The following ZNF292 variants were observed in gnomAD, a reference collection of about 807,000 sequenced individuals.
The protein encoded by ZNF292 is 16 zinc-finger domain protein.
Under a neutral mutation model 217.9 loss-of-function variants are expected in ZNF292, and 26 were observed. The observed-to-expected ratio is 0.12, with a 90% CI of 0.09 to 0.17. The LOEUF (loss-of-function observed/expected upper bound fraction) is 0.17, where lower values mean the gene tolerates loss of function less well. ZNF292 is among the 10% of genes least tolerant of loss of function. The pLI, the probability that ZNF292 is intolerant of heterozygous loss-of-function variation, is 1.00. For missense variants in ZNF292, 2,904 were observed against 3,175.2 expected, an observed-to-expected ratio of 0.91 and a Z score of 2.05; for synonymous variants, 1,257 against 1,124.1, an observed-to-expected ratio of 1.12 and a Z score of -2.37.
At chr6:87,205,261 A>T (rs1772212673) in intron 1 of ZNF292, among the ~76,000 whole-genome samples, 1 of 151,982 alleles carries the variant, frequency 6.6e-6, no homozygotes, top group Non-Finnish European at 1.5e-5. Context: ...ATTGGTAGAG[A>T]TGAGGTCTTG....
intron 1 of ZNF292, among the ~76,000 whole-genome samples, chr6:87,196,041 CAAAA>C (rs1771946308): frequency 2.7e-5 from 4 of 146,312 alleles, no homozygotes; most frequent in African/African-American, 5.1e-5. Context: ...AAAAAAAAAA[CAAAA>C]AGAAAAAAAA....
intron 1 of ZNF292, among the ~76,000 whole-genome samples, chr6:87,189,238 A>C (rs1771754189): frequency 6.6e-6 from 1 of 152,044 alleles, no homozygotes; most frequent in Non-Finnish European, 1.5e-5. Flanking sequence ...TAAATAAAAT[A>C]AAAAATGTCT....
At position 87,257,796 on chromosome 6, in the gene ZNF292, A is replaced by C. The variant is rs774228179; in HGVS notation, c.4167A>C (p.Ser1389=). The change falls in exon 8 of 8, where the codon TCA becomes TCC. Residue 1389 remains serine (S), a synonymous_variant. Transcript: ENST00000369577. ...ACAGGGCTTTTACTAATCCCAGATC[A>C]CTGGGTGGGCACTTATCCAAGCGAT... The part of the protein sequence containing the change: ...RCYRAFTNPR[S]LGGHLSKRSY... 1.9e-6 allele frequency: 3 copies of C among 1,613,846 alleles called. No homozygotes were observed. Among genetic ancestry groups the C allele is most frequent in the Non-Finnish European group, 2.5e-6 (3 of 1,179,798 alleles).
chr6:87,260,875 T>C lies in ZNF292; in HGVS notation c.7246T>C (p.Phe2416Leu). The C allele has an allele frequency of 1.9e-6, 3 of 1,610,678 alleles. No individual in the cohort carries two copies. Among genetic ancestry groups the C allele is most frequent in the Non-Finnish European group, 2.5e-6 (3 of 1,178,254 alleles). The part of the protein sequence containing the change: ...HYKCHKLSKA[F>L]TSQHRNLLIV... ...TAAGTGCCATAAATTATCTAAGGCA[T>C]TTACATCACAACACCGAAATCTTCT... is the stretch of plus-strand genomic sequence containing the variant. Residue 2416 changes from phenylalanine (F) to leucine (L), a missense_variant, in exon 8 of 8, where the codon TTT becomes CTT. Physicochemically the swap from Phe to Leu is conservative, Grantham distance 22. Transcript: ENST00000369577.
rs1009574493 is a variant in ZNF292, at chr6:87,264,716, C to T, written c.*2915C>T. Among the ~76,000 whole-genome samples, 1 of 152,108 alleles carries T rather than the reference C, an allele frequency of 6.6e-6. No individual in the cohort carries two copies. Among genetic ancestry groups the T allele is most frequent in the Non-Finnish European group, 1.5e-5 (1 of 68,026 alleles). ...GTTGAAGAAGGTGAAGCTGAAGAAG[C>T]AGATGGGTGGTGGGATCAGGAGTGT... On this transcript the variant is annotated 3_prime_UTR_variant, in exon 8 of 8. Coordinates refer to ENST00000369577, the MANE Select transcript of ZNF292 (RefSeq NM_015021.3).
intron 1 of ZNF292, among the ~76,000 whole-genome samples, chr6:87,186,809 AG>A (rs1030894055): frequency 2.0e-5 from 3 of 152,242 alleles, no homozygotes; most frequent in Non-Finnish European, 2.9e-5. Flanking sequence ...GGATCTCCAA[AG>A]AGGCAAGCCT....
At chr6:87,216,557 A>G (rs1025452818) in intron 3 of ZNF292, among the ~76,000 whole-genome samples, 180 bp downstream of exon 3, 7 of 151,976 alleles carry the variant, frequency 4.6e-5, no homozygotes, top group African/African-American at 1.4e-4. Flanking sequence ...CTAAATGTAT[A>G]TATACATTTA....
intron 6 of ZNF292, 99 bp downstream of exon 6, chr6:87,243,710 T>G (rs1432907572): frequency 2.2e-5 from 26 of 1,160,364 alleles, no homozygotes; most frequent in Non-Finnish European, 2.9e-5. Flanking sequence ...TTTAAAATCT[T>G]TTTAAGACAA....
At chr6:87,185,874 G>A (rs1044565445) in intron 1 of ZNF292, among the ~76,000 whole-genome samples, 1 of 152,098 alleles carries the variant, frequency 6.6e-6, no homozygotes, top group Admixed American at 6.6e-5. Context: ...ACAAGATATG[G>A]GGGAAAGGGG....
intron 1 of ZNF292, among the ~76,000 whole-genome samples, chr6:87,166,737 T>C (rs1478181235): frequency 6.6e-6 from 1 of 152,210 alleles, no homozygotes; most frequent in Non-Finnish European, 1.5e-5. Context: ...TTTGTCAGTT[T>C]TGGTTAGAAA....
At chr6:87,211,390 TA>T (rs1772479833) in intron 1 of ZNF292, among the ~76,000 whole-genome samples, 1 of 152,160 alleles carries the variant, frequency 6.6e-6, no homozygotes, top group African/African-American at 2.4e-5. Flanking sequence ...ATCTAAAATT[TA>T]ATCCAAATTT....
At chr6:87,156,231 C>G (rs930525598) in intron 1 of ZNF292, among the ~76,000 whole-genome samples, 3 of 152,250 alleles carry the variant, frequency 2.0e-5, no homozygotes, top group African/African-American at 7.2e-5. Flanking sequence ...CGTCCCGCCC[C>G]CCAGCCCCGG....
intron 1 of ZNF292, among the ~76,000 whole-genome samples, chr6:87,201,995 A>G (rs894783030): frequency 6.6e-6 from 1 of 152,208 alleles, no homozygotes. Flanking sequence ...AAGTCTTGCT[A>G]TCTGATTAGG....
In ZNF292 at chr6:87,155,734, C is replaced by G; in HGVS notation, c.143C>G (p.Thr48Ser). The change falls in exon 1 of 8, where the codon ACC becomes AGC. Residue 48 changes from threonine (T) to serine (S), a missense_variant. By Grantham distance (58) the Thr-to-Ser change is moderately conservative. Around this residue, in one of 15 missense-constraint regions of ZNF292, gnomAD observed 313 missense variants for 451.0 expected, o/e 0.69. Coordinates refer to ENST00000369577, the MANE Select transcript of ZNF292 (RefSeq NM_015021.3). Reference sequence around the variant, plus strand: ...CGGGTACCGGCCGTGGAAGCGGCCACCGACTACTGTCAGCAGCTGTGCCAG... The same window carrying G: ...CGGGTACCGGCCGTGGAAGCGGCCAGCGACTACTGTCAGCAGCTGTGCCAG... ...ESRVPAVEAA[T>S]DYCQQLCQTL... 1 of 1,600,026 alleles carries G rather than the reference C, an allele frequency of 6.2e-7. No homozygotes were observed. Among genetic ancestry groups the G allele is most frequent in the Admixed American group, 1.7e-5 (1 of 58,676 alleles).
intron 1 of ZNF292, among the ~76,000 whole-genome samples, chr6:87,211,729 T>C (rs555033641): frequency 7.2e-5 from 11 of 152,290 alleles, no homozygotes; most frequent in African/African-American, 2.6e-4. Flanking sequence ...AAAAACAGTT[T>C]TAAATTTTCT....
At chr6:87,214,636 G>A (rs1772650826) in intron 1 of ZNF292, among the ~76,000 whole-genome samples, 1 of 152,010 alleles carries the variant, frequency 6.6e-6, no homozygotes, top group Non-Finnish European at 1.5e-5. Context: ...CCTGCACTGT[G>A]GCTGCAGGTT....
intron 4 of ZNF292, among the ~76,000 whole-genome samples, chr6:87,229,607 G>A (rs547706057): frequency 2.0e-5 from 3 of 151,882 alleles, no homozygotes; most frequent in South Asian, 4.2e-4. Context: ...TGTATTTTTA[G>A]TAGAGACACG....
chr6:87,203,473 T>G (rs985897099), intron 1 of ZNF292, among the ~76,000 whole-genome samples: 1 of 152,084 alleles, frequency 6.6e-6, no homozygotes, highest in African/African-American at 2.4e-5. Context: ...TCCTCACGTT[T>G]CTAGGATAAC....
In ZNF292 at chr6:87,257,073, A is replaced by G; in HGVS notation, c.3444A>G (p.Pro1148=). 1 of 1,613,918 alleles carries G rather than the reference A, an allele frequency of 6.2e-7. No individual in the cohort carries two copies. Among genetic ancestry groups the G allele is most frequent in the Non-Finnish European group, 8.5e-7 (1 of 1,179,846 alleles). The change falls in exon 8 of 8, where the codon CCA becomes CCG. Residue 1148 remains proline (P), a synonymous_variant. Transcript: ENST00000369577. The part of the protein sequence containing the change: ...KGQKANNLNT[P]NNGKFVYFLP... ...AGAAAGCTAACAACTTAAATACACC[A>G]AATAATGGAAAGTTTGTTTATTTTT...
Sources: allele counts gnomAD v4.1 joint callset (sites outside exome capture counted in the v4.1 genomes callset), GRCh38; gene constraint gnomAD v4.1.1; regional missense constraint gnomAD v4.1.1; transcripts MANE v1.5; gene names NCBI Gene and HGNC (gene_info 2026-07-23, HGNC 2026-07-21).